Variants in CACHD1 observed in about 807,000 individuals in gnomAD.
The protein encoded by CACHD1 is VWFA and cache domain-containing protein 1.
Under a neutral mutation model 138.7 loss-of-function variants are expected in CACHD1, and 71 were observed. The ratio of observed to expected loss-of-function variants is 0.51; its 90% CI spans 0.42 to 0.62. CACHD1 has a LOEUF of 0.62. CACHD1 is among the 20% of genes least tolerant of loss of function. The pLI, the probability that CACHD1 is intolerant of heterozygous loss-of-function variation, is 0.00. For synonymous variants in CACHD1, 578 were observed against 591.5 expected (o/e 0.98, Z 0.33); for missense variants, 1,389 against 1,625.3 (o/e 0.85, Z 2.50).
At chr1:64,471,012 T>C in intron 1 of CACHD1, 70 bp downstream of exon 1, 1 of 1,457,648 alleles carries the variant, frequency 6.9e-7, no homozygotes, top group East Asian at 2.4e-5. Flanking sequence ...CCACTCCCGG[T>C]ACAAGTCCCC....
intron 1 of CACHD1, among the ~76,000 whole-genome samples, chr1:64,539,382 G>A (rs1646659208): frequency 6.6e-6 from 1 of 151,864 alleles, no homozygotes. Context: ...ATGCATAAAA[G>A]CCAGCTCCTC....
chr1:64,542,211 T>C (rs1213874730), intron 1 of CACHD1, among the ~76,000 whole-genome samples: 1 of 152,210 alleles, frequency 6.6e-6, no homozygotes, highest in African/African-American at 2.4e-5. Flanking sequence ...TATCATTATT[T>C]ATAGCAACAT....
chr1:64,585,396 G>C (rs1362187301), intron 3 of CACHD1, among the ~76,000 whole-genome samples: 1 of 152,188 alleles, frequency 6.6e-6, no homozygotes, highest in Non-Finnish European at 1.5e-5. Flanking sequence ...ATAAAATGTA[G>C]TTTCTGTCCT....
intron 1 of CACHD1, among the ~76,000 whole-genome samples, chr1:64,484,847 AT>A (rs1181374039): frequency 1.3e-5 from 2 of 152,250 alleles, no homozygotes; most frequent in Non-Finnish European, 2.9e-5. Context: ...CATTGTGTAT[AT>A]GTGCCACATT....
At chr1:64,633,823 T>C (rs1325857546) in intron 6 of CACHD1, among the ~76,000 whole-genome samples, 1 of 152,188 alleles carries the variant, frequency 6.6e-6, no homozygotes, top group African/African-American at 2.4e-5. Flanking sequence ...CCACTTCATG[T>C]TGGAACAAAA....
At position 64,541,247 on chromosome 1, in the gene CACHD1, C is replaced by T. The variant is rs140860329; in HGVS notation, c.199-9347C>T. On this transcript the variant is annotated intron_variant, in intron 1 of 26. Coordinates refer to ENST00000651257, the MANE Select transcript of CACHD1 (RefSeq NM_020925.4). ...CTTATTCATGCTTTTTGTGTACAATCCACTGTGTTAAGGAATCATGGCATG... is the reference window on the plus strand; with the variant it reads ...CTTATTCATGCTTTTTGTGTACAATTCACTGTGTTAAGGAATCATGGCATG... Among the ~76,000 whole-genome samples, 864 of 152,296 alleles carry T rather than the reference C, an allele frequency of 5.7e-3. 4 individuals are homozygous for T. Among genetic ancestry groups the T allele is most frequent in the African/African-American group, 0.02 (820 of 41,546 alleles).
At chr1:64,634,680 C>T (rs889189144) in intron 7 of CACHD1, among the ~76,000 whole-genome samples, 8 of 152,030 alleles carry the variant, frequency 5.3e-5, no homozygotes, top group Non-Finnish European at 2.9e-5. Flanking sequence ...TCACCGCGAC[C>T]AGCGTAGAGG....
intron 2 of CACHD1, among the ~76,000 whole-genome samples, chr1:64,561,416 A>G (rs1278650762): frequency 1.3e-5 from 2 of 152,172 alleles, no homozygotes; most frequent in Admixed American, 1.3e-4. Flanking sequence ...GTATATTCTC[A>G]CATAATTACT....
intron 1 of CACHD1, among the ~76,000 whole-genome samples, chr1:64,473,060 G>A (rs572141559): frequency 1.2e-4 from 19 of 152,110 alleles, no homozygotes; most frequent in South Asian, 8.3e-4. Flanking sequence ...AGCTCTGATC[G>A]GTGGGGGGTT....
chr1:64,675,468 C>T lies in CACHD1; in HGVS notation c.2795C>T (p.Thr932Ile), dbSNP rs1303116989. Residue 932 changes from threonine to isoleucine, a missense_variant, in exon 20 of 27, where the codon ACC becomes ATC. By Grantham distance (89) the Thr-to-Ile change is moderately conservative. Around this residue, in one of 5 missense-constraint regions of CACHD1, gnomAD observed 50 missense variants for 108.2 expected, o/e 0.46. Transcript: ENST00000651257. ...TACAGATTAGCAAGGATCCCAGGAA[C>T]CAACGCGTTTGTTGGCATTGTCAAC... ...SKYRLARIPG[T>I]NAFVGIVNET... 6.2e-7 allele frequency: 1 copy of T among 1,613,810 alleles called. No homozygotes were observed. Among genetic ancestry groups the T allele is most frequent in the Admixed American group, 1.7e-5 (1 of 60,008 alleles).
chr1:64,587,804 GA>G (rs1189393034), intron 3 of CACHD1, among the ~76,000 whole-genome samples: 3 of 152,270 alleles, frequency 2.0e-5, no homozygotes, highest in East Asian at 3.9e-4. Context: ...CTCCCACAAG[GA>G]GTGAACAAAT....
chr1:64,642,624 C>G (rs1418409935), intron 8 of CACHD1, among the ~76,000 whole-genome samples: 1 of 152,202 alleles, frequency 6.6e-6, no homozygotes, highest in African/African-American at 2.4e-5. Flanking sequence ...GTCCGCTAGT[C>G]TGAGTGCAGC....
chr1:64,619,481 A>G (rs1368345022), intron 4 of CACHD1, among the ~76,000 whole-genome samples: 2 of 152,188 alleles, frequency 1.3e-5, no homozygotes, highest in Non-Finnish European at 2.9e-5. Context: ...TTGTCAGAAG[A>G]ACTGTTTCCT....
At chr1:64,600,102 A>G (rs1413641703) in intron 3 of CACHD1, among the ~76,000 whole-genome samples, 1 of 152,126 alleles carries the variant, frequency 6.6e-6, no homozygotes, top group African/African-American at 2.4e-5. Flanking sequence ...TGAAATGGGT[A>G]GGAGAAAGGG....
chr1:64,644,607 A>T (rs74562714), intron 8 of CACHD1, among the ~76,000 whole-genome samples: 2 of 152,118 alleles, frequency 1.3e-5, no homozygotes, highest in Non-Finnish European at 1.5e-5. Flanking sequence ...AGTTACTTCC[A>T]TCTCAGCATC....
chr1:64,513,874 A>G (rs916682854), intron 1 of CACHD1, among the ~76,000 whole-genome samples: 6 of 152,246 alleles, frequency 3.9e-5, no homozygotes, highest in African/African-American at 1.2e-4. Context: ...TTTTTATAAG[A>G]TGTAAAATTT....
intron 4 of CACHD1, among the ~76,000 whole-genome samples, chr1:64,616,793 A>G (rs1249415078): frequency 1.3e-5 from 2 of 152,166 alleles, no homozygotes; most frequent in South Asian, 4.1e-4. Flanking sequence ...GGACCAGACC[A>G]TTAAGGTCAT....
chr1:64,527,977 A>G (rs1646553783), intron 1 of CACHD1, among the ~76,000 whole-genome samples: 1 of 152,200 alleles, frequency 6.6e-6, no homozygotes, highest in Non-Finnish European at 1.5e-5. Context: ...TCTCACATCC[A>G]TTCTTCATGT....
chr1:64,652,753 G>T (rs1649136461), intron 10 of CACHD1, among the ~76,000 whole-genome samples: 1 of 152,178 alleles, frequency 6.6e-6, no homozygotes, highest in Non-Finnish European at 1.5e-5. Context: ...GCAGATGCTG[G>T]CAAGGTTGCA....
Sources: allele counts gnomAD v4.1 joint callset (sites outside exome capture counted in the v4.1 genomes callset), GRCh38; gene constraint gnomAD v4.1.1; regional missense constraint gnomAD v4.1.1; transcripts MANE v1.5; gene names NCBI Gene and HGNC (gene_info 2026-07-23, HGNC 2026-07-21).